Variants in CUX2 observed in about 807,000 individuals in gnomAD.
CUX2 encodes cut like homeobox 2.
A neutral mutation model predicts 144.8 loss-of-function variants in CUX2; 40 were observed. That is an observed-to-expected ratio of 0.28 (90% CI 0.21 to 0.36). CUX2 has a LOEUF of 0.36. Ranked by LOEUF, CUX2 falls within the 10% of genes least tolerant of loss-of-function variation. CUX2 has a pLI of 1.00. For missense variants in CUX2, 1,615 were observed against 1,994.0 expected (o/e 0.81, Z 3.62); for synonymous variants, 827 against 875.6 (o/e 0.94, Z 0.98).
At chr12:111,050,665 G>GC (rs1455320945) in intron 1 of CUX2, among the ~76,000 whole-genome samples, 1 of 151,952 alleles carries the variant, frequency 6.6e-6, no homozygotes, top group Non-Finnish European at 1.5e-5. Context: ...GATACCTCCT[G>GC]CATCCCATCT....
intron 3 of CUX2, among the ~76,000 whole-genome samples, chr12:111,229,197 A>G (rs1029800305): frequency 6.6e-6 from 1 of 152,218 alleles, no homozygotes; most frequent in African/African-American, 2.4e-5. Flanking sequence ...AAGGCAAAGT[A>G]CAGTTGCACC....
At chr12:111,036,190 G>T (rs979868208) in intron 1 of CUX2, among the ~76,000 whole-genome samples, 1 of 152,198 alleles carries the variant, frequency 6.6e-6, no homozygotes, top group Non-Finnish European at 1.5e-5. Flanking sequence ...TTGTTATTCT[G>T]GGCTGGAGAA....
chr12:111,302,609 G>A (rs1886345983), intron 9 of CUX2, among the ~76,000 whole-genome samples: 1 of 152,096 alleles, frequency 6.6e-6, no homozygotes, highest in Admixed American at 6.6e-5. Context: ...TAAGAATTAA[G>A]ATCTACCAGC....
intron 3 of CUX2, among the ~76,000 whole-genome samples, chr12:111,230,196 GA>G (rs760971559): frequency 4.7e-4 from 68 of 145,098 alleles, no homozygotes; most frequent in African/African-American, 6.8e-4. Flanking sequence ...GGAAGCAGGA[GA>G]GGGGGGGAGG....
chr12:111,312,270 G>T lies in CUX2; in HGVS notation c.2002+69G>T, dbSNP rs543079033. Reference sequence around the variant, plus strand: ...AGCTGCGAACAGGAGATGAGGCTTCGTCTACCTTTGTCCACCCCAGAGGGA... The same window carrying T: ...AGCTGCGAACAGGAGATGAGGCTTCTTCTACCTTTGTCCACCCCAGAGGGA... On this transcript the variant is annotated intron_variant, in intron 16 of 21. Coordinates refer to ENST00000261726, the MANE Select transcript of CUX2 (RefSeq NM_015267.4). The surrounding 1 kb of genome is among the most constrained non-coding windows in gnomAD (Gnocchi z 4.3). 6 of 1,359,356 alleles carry T rather than the reference G, an allele frequency of 4.4e-6. No individual in the cohort carries two copies. The highest frequency in any genetic ancestry group is 2.5e-5 in the South Asian group (2 of 78,452). 84.2% of individuals were successfully genotyped at this position (1,359,356 alleles called of 1,614,324 possible).
At chr12:111,067,184 A>G (rs1289544886) in intron 1 of CUX2, among the ~76,000 whole-genome samples, 3 of 152,210 alleles carry the variant, frequency 2.0e-5, no homozygotes, top group Non-Finnish European at 4.4e-5. Context: ...GACTCAACCC[A>G]GGAAGACAGG....
At chr12:111,072,823 T>A (rs1355030453) in intron 1 of CUX2, among the ~76,000 whole-genome samples, 1 of 152,212 alleles carries the variant, frequency 6.6e-6, no homozygotes, top group Non-Finnish European at 1.5e-5. Context: ...AACCCCAACT[T>A]CAGTGTCCTC....
chr12:111,342,901 G>A (rs1393636609), intron 21 of CUX2, among the ~76,000 whole-genome samples: 1 of 140,750 alleles, frequency 7.1e-6, no homozygotes, highest in Non-Finnish European at 1.5e-5. Flanking sequence ...AGAGGTTGCA[G>A]TGAGCCGAGA....
intron 1 of CUX2, among the ~76,000 whole-genome samples, chr12:111,211,456 G>T (rs1423667314): frequency 6.6e-6 from 1 of 152,208 alleles, no homozygotes; most frequent in South Asian, 2.1e-4. Context: ...ACATCAGGTG[G>T]TTGGACTTAT....
chr12:111,172,594 C>G (rs563921050), intron 1 of CUX2, among the ~76,000 whole-genome samples: 16 of 152,346 alleles, frequency 1.1e-4, no homozygotes, highest in African/African-American at 3.8e-4. Flanking sequence ...TCCCAGCCAG[C>G]GCTTTCCACT....
chr12:111,151,809 C>T (rs1877068315), intron 1 of CUX2, among the ~76,000 whole-genome samples: 1 of 152,122 alleles, frequency 6.6e-6, no homozygotes, highest in Non-Finnish European at 1.5e-5. Context: ...TCTGATGGTT[C>T]GGGCATCTTT....
intron 1 of CUX2, among the ~76,000 whole-genome samples, chr12:111,103,745 C>T (rs962741349): frequency 1.3e-5 from 2 of 152,174 alleles, no homozygotes; most frequent in African/African-American, 4.8e-5. Flanking sequence ...TTTATTGGCT[C>T]ATGTGACCTG....
chr12:111,242,988 AT>A (rs1202185539), intron 3 of CUX2, among the ~76,000 whole-genome samples: 1 of 152,180 alleles, frequency 6.6e-6, no homozygotes. Flanking sequence ...TTTGCTGAAT[AT>A]GATGGTTTCC....
At position 111,338,293 on chromosome 12, in the gene CUX2, G is replaced by C; in HGVS notation, c.3204G>C (p.Arg1068=). 1 of 1,608,584 alleles carries C rather than the reference G, an allele frequency of 6.2e-7. No individual in the cohort carries two copies. Among genetic ancestry groups the C allele is most frequent in the Non-Finnish European group, 8.5e-7 (1 of 1,177,158 alleles). ...CCCCTCCCCTATCCCCAGGGCAGCG[G>C]CTGTTTGGGGAAAGCATCCTGGGTC... ...EVLTDNNLGQ[R]LFGESILGLT... Residue 1068 remains arginine, a synonymous_variant, in exon 20 of 22, where the codon CGG becomes CGC. Transcript: ENST00000261726.
rs1031781133 is a variant in CUX2, at chr12:111,190,345, C to T, written c.64-23855C>T. 6.6e-6 allele frequency among the ~76,000 whole-genome samples: 1 copy of T among 152,140 alleles called. No homozygotes were observed. The highest frequency in any genetic ancestry group is 1.5e-5 in the Non-Finnish European group (1 of 68,034). ...GTAGGGTGCAGAGGTTCCCATTTTG[C>T]CCGTCCTAACCAGATTACAGTATGT... is the stretch of plus-strand genomic sequence containing the variant. On this transcript the variant is annotated intron_variant, in intron 1 of 21. Coordinates refer to ENST00000261726, the MANE Select transcript of CUX2 (RefSeq NM_015267.4). The surrounding 1 kb of genome is among the most constrained non-coding windows in gnomAD (Gnocchi z 4.0).
rs987405504 is a variant in CUX2, at chr12:111,039,721, G to A, written c.63+5481G>A. Among the ~76,000 whole-genome samples, 3 of 152,044 alleles carry A rather than the reference G, an allele frequency of 2.0e-5. No individual in the cohort carries two copies. Among genetic ancestry groups the A allele is most frequent in the Non-Finnish European group, 4.4e-5 (3 of 68,022 alleles). ...TAATTTTTGTATTTTTAGTAGAGACGGGGTTTTGCAGTGTTGACCAGGCTG... is the reference window on the plus strand; with the variant it reads ...TAATTTTTGTATTTTTAGTAGAGACAGGGTTTTGCAGTGTTGACCAGGCTG... On this transcript the variant is annotated intron_variant, in intron 1 of 21. Transcript: ENST00000261726. The surrounding 1 kb of genome is among the most constrained non-coding windows in gnomAD (Gnocchi z 4.2).
intron 1 of CUX2, among the ~76,000 whole-genome samples, chr12:111,092,321 A>T (rs570830407): frequency 3.2e-4 from 48 of 152,110 alleles, no homozygotes; most frequent in African/African-American, 1.0e-3. Flanking sequence ...GGCTGCAAAC[A>T]GGGGGCTGTG....
Position 111,314,616 on chromosome 12 carries a change from C to A in CUX2, c.2002+2415C>A, listed in dbSNP as rs951909120. 2.2e-5 allele frequency among the ~76,000 whole-genome samples: 3 copies of A among 134,220 alleles called. No homozygotes were observed. In the East Asian group the frequency reaches 6.6e-4, roughly 29 times the overall value. 88.1% of individuals were successfully genotyped at this position (134,220 alleles called of 152,430 possible). ...GATCACACCACTACACTCCAGCCTGCGCAACAAGAGCAAAACTCAGTCTAA... is the reference window on the plus strand; with the variant it reads ...GATCACACCACTACACTCCAGCCTGAGCAACAAGAGCAAAACTCAGTCTAA... On this transcript the variant is annotated intron_variant, in intron 16 of 21. Coordinates refer to ENST00000261726, the MANE Select transcript of CUX2 (RefSeq NM_015267.4).
In CUX2 at chr12:111,322,692, C is replaced by A. The variant is rs1282961569; in HGVS notation, c.2926+112C>A. 2.9e-6 allele frequency: 4 copies of A among 1,372,306 alleles called. No homozygotes were observed. Among genetic ancestry groups the A allele is most frequent in the Non-Finnish European group, 4.0e-6 (4 of 1,009,828 alleles). 85.0% of individuals were successfully genotyped at this position (1,372,306 alleles called of 1,614,324 possible). A position where few individuals can be genotyped will look rare whatever the true frequency, so the allele number is the denominator to read the frequency against. On this transcript the variant is annotated intron_variant, in intron 18 of 21. Transcript: ENST00000261726. This position sits in a 1 kb window ranked among gnomAD's most constrained non-coding sequence, Gnocchi z 4.2. The stretch of plus-strand genomic sequence containing the variant: ...CTACCTATCTCTCCCTCCCTGCTGC[C>A]CTGGCTTTCATCCCAGTCACTGTCA...
Sources: allele counts gnomAD v4.1 joint callset (sites outside exome capture counted in the v4.1 genomes callset), GRCh38; gene constraint gnomAD v4.1.1; non-coding constraint Gnocchi (gnomAD v3.1); transcripts MANE v1.5; gene names NCBI Gene and HGNC (gene_info 2026-07-23, HGNC 2026-07-21).